PNLDC1: variants seen among roughly 807,000 people sequenced by gnomAD.
PNLDC1 encodes the protein PARN like ribonuclease domain containing exonuclease 1.
A neutral mutation model predicts 82.0 loss-of-function variants in PNLDC1; 70 were observed. The observed-to-expected ratio is 0.85, with a 90% confidence interval of 0.70 to 1.04. The LOEUF is 1.04. Ranked by LOEUF, PNLDC1 falls within the 50% of genes least tolerant of loss-of-function variation. The probability of loss-of-function intolerance (pLI) is 0.00; values close to 1 mark genes in which losing one functional copy is unlikely to be tolerated. For synonymous variants in PNLDC1, 280 were observed against 249.3 expected, an observed-to-expected ratio of 1.12 and a Z score of -1.16; for missense variants, 631 against 661.1, an observed-to-expected ratio of 0.95 and a Z score of 0.50.
At position 159,809,041 on chromosome 6, in the gene PNLDC1, A is replaced by G. The variant is rs1438975558; in HGVS notation, c.666A>G (p.Gln222=). ...TGGTAGTGAAGAAAGTGAGTAAACAACATCGTTGGTATCTTCAGAACACCT... is the reference window on the plus strand; with the variant it reads ...TGGTAGTGAAGAAAGTGAGTAAACAGCATCGTTGGTATCTTCAGAACACCT... ...EGVVVKKVSK[Q]HRWYLQNTSC... The change falls in exon 9 of 19, where the codon CAA becomes CAG. Residue 222 remains glutamine (Q), a synonymous_variant. Transcript: ENST00000392167. 1.9e-6 allele frequency: 3 copies of G among 1,613,514 alleles called. No homozygotes were observed. The Admixed American group carries it at 5.0e-5, about 27-fold the overall frequency.
At chr6:159,813,751 TCA>T (rs1408067929) in intron 12 of PNLDC1, 95 bp downstream of exon 12, 10 of 1,091,928 alleles carry the variant, frequency 9.2e-6, no homozygotes, top group Non-Finnish European at 1.1e-5. Context: ...TGCCCACCAT[TCA>T]CAGTGATGCC....
chr6:159,814,234 C>T (rs1781741771), intron 12 of PNLDC1, among the ~76,000 whole-genome samples: 1 of 152,212 alleles, frequency 6.6e-6, no homozygotes, highest in Non-Finnish European at 1.5e-5. Flanking sequence ...CCCCAGTCAG[C>T]AGGACGAGGC....
chr6:159,803,129 T>C, intron 3 of PNLDC1, 142 bp from the exon 4 acceptor site: 1 of 620,554 alleles, frequency 1.6e-6, no homozygotes, highest in Middle Eastern at 2.6e-4. Flanking sequence ...TCTTTTCTTT[T>C]TTGTCATTAA....
intron 10 of PNLDC1, among the ~76,000 whole-genome samples, chr6:159,811,009 G>C (rs1386097327): frequency 1.3e-5 from 2 of 152,220 alleles, no homozygotes; most frequent in African/African-American, 4.8e-5. Flanking sequence ...CGCGTGGGGC[G>C]ATACGGGCAT....
In PNLDC1 at chr6:159,818,970, A is replaced by G. The variant is rs1562507952; in HGVS notation, c.1282A>G (p.Ser428Gly). The change falls in exon 17 of 19, where the codon AGT becomes GGT. Residue 428 changes from serine (S) to glycine (G), a missense_variant. Transcript: ENST00000392167. ...GAATTTTTCTGGTCCAGATTATCCCAGTATCCGACCTCCCATCCTCATCCT... is the reference window on the plus strand; with the variant it reads ...GAATTTTTCTGGTCCAGATTATCCCGGTATCCGACCTCCCATCCTCATCCT... ...KINFSGPDYP[S>G]IRPPILILSV... 1 of 1,613,912 alleles carries G rather than the reference A, an allele frequency of 6.2e-7. No individual in the cohort carries two copies. Among genetic ancestry groups the G allele is most frequent in the Non-Finnish European group, 8.5e-7 (1 of 1,180,008 alleles).
At chr6:159,817,281 T>C in intron 15 of PNLDC1, 130 bp downstream of exon 15, 1 of 889,098 alleles carries the variant, frequency 1.1e-6, no homozygotes. Flanking sequence ...GTCACTGGTA[T>C]AGAAATCTTG....
At chr6:159,813,922 G>T (rs1407366864) in intron 12 of PNLDC1, among the ~76,000 whole-genome samples, 3 of 151,866 alleles carry the variant, frequency 2.0e-5, no homozygotes, top group Non-Finnish European at 4.4e-5. Flanking sequence ...CTTTTTCATT[G>T]TCTCGCCCCT....
At chr6:159,801,445 C>T (rs4709373) in intron 3 of PNLDC1, among the ~76,000 whole-genome samples, 71,871 of 151,854 alleles carry the variant, frequency 0.47, 18,016 homozygotes, top group Non-Finnish European at 0.55. Flanking sequence ...TGTGTGTGTG[C>T]GATTTTTATT....
intron 11 of PNLDC1, 23 bp downstream of exon 11, chr6:159,811,809 G>T (rs2115046064): frequency 6.5e-7 from 1 of 1,534,362 alleles, no homozygotes; most frequent in Middle Eastern, 1.7e-4. Flanking sequence ...ACTGCTTTGG[G>T]TTAAGAACTG....
intron 6 of PNLDC1, 53 bp from the exon 7 acceptor site, chr6:159,805,930 C>T (rs917987065): frequency 4.0e-5 from 52 of 1,297,222 alleles, no homozygotes; most frequent in Admixed American, 2.0e-4. Flanking sequence ...CATAGTCTTG[C>T]GGTTCTGAAG....
chr6:159,800,592 C>T (rs1322928156), intron 1 of PNLDC1, 180 bp from the exon 2 acceptor site: 87 of 1,518,562 alleles, frequency 5.7e-5, no homozygotes, highest in Non-Finnish European at 7.5e-5. Flanking sequence ...GCCAGAGCCC[C>T]GTGCGCCCAG....
intron 3 of PNLDC1, 111 bp from the exon 4 acceptor site, chr6:159,803,160 G>A: frequency 2.2e-6 from 2 of 918,636 alleles, no homozygotes; most frequent in South Asian, 1.4e-5. Context: ...CTGTTGTACA[G>A]CCCACATAGT....
rs1481306475 is a variant in PNLDC1, at chr6:159,819,566, C to T, written c.1532+214C>T. Among the ~76,000 whole-genome samples, 3 of 152,194 alleles carry T rather than the reference C, an allele frequency of 2.0e-5. No homozygotes were observed. Among genetic ancestry groups the T allele is most frequent in the Non-Finnish European group, 4.4e-5 (3 of 68,034 alleles). The stretch of plus-strand genomic sequence containing the variant: ...CTGGGCACCATCGTAGTTCTAGGGC[C>T]TCGTCAGTGAAGCAGAAAATCCCTG... On this transcript the variant is annotated intron_variant, in intron 18 of 18. Transcript: ENST00000392167. This position sits in a 1 kb window ranked among gnomAD's most constrained non-coding sequence, Gnocchi z 4.6.
At chr6:159,805,131 C>T (rs1441156072) in intron 6 of PNLDC1, among the ~76,000 whole-genome samples, 2 of 152,198 alleles carry the variant, frequency 1.3e-5, no homozygotes, top group Non-Finnish European at 2.9e-5. Flanking sequence ...TGACCCTGCT[C>T]CCCTAGGCCG....
At chr6:159,816,491 G>A (rs1187918270) in intron 13 of PNLDC1, 52 bp from the exon 14 acceptor site, 24 of 1,528,692 alleles carry the variant, frequency 1.6e-5, no homozygotes, top group Middle Eastern at 1.7e-4. Context: ...AGGATGGGGC[G>A]TGTTTCTAAT....
chr6:159,800,455 C>T (rs1781200273), intron 1 of PNLDC1, 72 bp downstream of exon 1: 3 of 1,485,340 alleles, frequency 2.0e-6, no homozygotes, highest in East Asian at 2.5e-5. Context: ...GAGGGGGTGG[C>T]GGGACGGTTG....
At chr6:159,813,835 G>A (rs564296354) in intron 12 of PNLDC1, among the ~76,000 whole-genome samples, 179 bp downstream of exon 12, 12 of 152,178 alleles carry the variant, frequency 7.9e-5, no homozygotes, top group East Asian at 1.9e-4. Flanking sequence ...TCTTGCCTCC[G>A]TTTCCAAAGA....
intron 2 of PNLDC1, 49 bp from the exon 3 acceptor site, chr6:159,801,064 C>CGGGATGGGATGTCATTGCTCGT: frequency 6.3e-7 from 1 of 1,596,830 alleles, no homozygotes; most frequent in Non-Finnish European, 8.6e-7. Context: ...GCCATAGTGC[C>CGGGATGGGATGTCATTGCTCGT]GGGATGGGAT....
chr6:159,816,568 C>G lies in PNLDC1; in HGVS notation c.1086C>G (p.Ala362=). ...TTGAGACAAAGTGCCCCCACGAAGCCGCGTATGATGCCTTCCTCTGTGGGT... is the reference window on the plus strand; with the variant it reads ...TTGAGACAAAGTGCCCCCACGAAGCGGCGTATGATGCCTTCCTCTGTGGGT... The part of the protein sequence containing the change: ...KYVETKCPHE[A]AYDAFLCGSV... The change falls in exon 14 of 19, where the codon GCC becomes GCG. Residue 362 remains alanine (A), a synonymous_variant. Coordinates refer to ENST00000392167, the MANE Select transcript of PNLDC1 (RefSeq NM_001271862.2). 1.2e-6 allele frequency: 2 copies of G among 1,613,570 alleles called. No homozygotes were observed. Among genetic ancestry groups the G allele is most frequent in the Non-Finnish European group, 1.7e-6 (2 of 1,179,922 alleles).
Sources: gnomAD v4.1 joint callset for allele counts (sites outside exome capture counted in the v4.1 genomes callset) on GRCh38, gnomAD v4.1.1 for gene constraint, Gnocchi (gnomAD v3.1) non-coding constraint, MANE v1.5 for transcripts, NCBI Gene and HGNC (gene_info 2026-07-23, HGNC 2026-07-21) for gene names.